Variants in MIR2052HG observed in about 807,000 individuals in gnomAD.
The protein encoded by MIR2052HG is MIR2052 host gene.
chr8:74,670,554 C>A (rs1808980435), intron 2 of MIR2052HG, among the ~76,000 whole-genome samples: 1 of 152,092 alleles, frequency 6.6e-6, no homozygotes, highest in Non-Finnish European at 1.5e-5. Flanking sequence ...TTGGCAGTTG[C>A]TCCAAGAGAT....
chr8:74,613,028 C>G lies in MIR2052HG; in HGVS notation n.216+88C>G, dbSNP rs1246553246. ...AGCTGTTTGAATCAGACAGTGAAAC[C>G]TCACTAAAGGGAGAAAAGGGAGAGC... On this transcript the variant is annotated intron_variant and non_coding_transcript_variant, in intron 2 of 6. Coordinates refer to ENST00000523442, the Ensembl canonical transcript of MIR2052HG. The G allele has an allele frequency of 1.2e-5, 5 of 428,602 alleles. No homozygotes were observed. The Admixed American group carries it at 1.3e-4, about 11-fold the overall frequency. 26.5% of individuals were successfully genotyped at this position (428,602 alleles called of 1,614,324 possible).
intron 1 of MIR2052HG, among the ~76,000 whole-genome samples, chr8:74,602,128 C>G (rs757332197): frequency 2.6e-5 from 4 of 152,174 alleles, no homozygotes; most frequent in Non-Finnish European, 5.9e-5. Flanking sequence ...GCACAAGATA[C>G]AGGTTACAAA....
intron 2 of MIR2052HG, among the ~76,000 whole-genome samples, chr8:74,683,271 G>T (rs924265821): frequency 6.6e-6 from 1 of 152,078 alleles, no homozygotes; most frequent in Non-Finnish European, 1.5e-5. Context: ...CTTTAAGAAA[G>T]AATTGGGAAT....
At chr8:74,736,319 G>A (rs968050371) in intron 4 of MIR2052HG, among the ~76,000 whole-genome samples, 2 of 152,034 alleles carry the variant, frequency 1.3e-5, no homozygotes, top group African/African-American at 4.8e-5. Context: ...TTTATGTGGT[G>A]GGTACATAAT....
At chr8:74,604,499 TG>T (rs1270027657) in intron 1 of MIR2052HG, among the ~76,000 whole-genome samples, 2 of 7,774 alleles carry the variant, frequency 2.6e-4, no homozygotes, top group East Asian at 7.0e-3. Context: ...CCGGGGCGGG[TG>T]GGGGTGCCGT....
At chr8:74,728,654 G>A (rs1391642152) in intron 4 of MIR2052HG, among the ~76,000 whole-genome samples, 1 of 152,130 alleles carries the variant, frequency 6.6e-6, no homozygotes, top group Non-Finnish European at 1.5e-5. Context: ...GGTATATTGA[G>A]AGAGGTTGCC....
At chr8:74,664,468 G>A (rs1253192512) in intron 2 of MIR2052HG, among the ~76,000 whole-genome samples, 1 of 152,014 alleles carries the variant, frequency 6.6e-6, no homozygotes, top group East Asian at 1.9e-4. Context: ...TGTTCCTTCA[G>A]CTTGTCTTTT....
intron 2 of MIR2052HG, among the ~76,000 whole-genome samples, chr8:74,615,919 T>C (rs1055344143): frequency 6.6e-6 from 1 of 152,188 alleles, no homozygotes; most frequent in Non-Finnish European, 1.5e-5. Flanking sequence ...GCTTCATCCA[T>C]GTCCCTACAA....
At chr8:74,635,287 C>T (rs541958638) in intron 2 of MIR2052HG, among the ~76,000 whole-genome samples, 1 of 151,048 alleles carries the variant, frequency 6.6e-6, no homozygotes, top group African/African-American at 2.4e-5. Context: ...TAGTGAATTG[C>T]ATTAAACATA....
At chr8:74,739,095 A>T (rs1809800470) in intron 4 of MIR2052HG, among the ~76,000 whole-genome samples, 1 of 152,230 alleles carries the variant, frequency 6.6e-6, no homozygotes, top group African/African-American at 2.4e-5. Context: ...ACATGTCTTT[A>T]TGGAAATTAG....
At chr8:74,620,167 A>G (rs1383464889) in intron 2 of MIR2052HG, among the ~76,000 whole-genome samples, 1 of 152,206 alleles carries the variant, frequency 6.6e-6, no homozygotes, top group Non-Finnish European at 1.5e-5. Context: ...TGCTGATGCA[A>G]GAGGTGGGTT....
At chr8:74,661,136 C>T (rs144761029) in intron 2 of MIR2052HG, among the ~76,000 whole-genome samples, 22 of 151,984 alleles carry the variant, frequency 1.4e-4, no homozygotes, top group African/African-American at 5.1e-4. Flanking sequence ...TTGCCAGTTA[C>T]CAGCTGGGCT....
chr8:74,705,129 T>C (rs1392601466), intron 4 of MIR2052HG, among the ~76,000 whole-genome samples: 1 of 151,954 alleles, frequency 6.6e-6, no homozygotes, highest in African/African-American at 2.4e-5. Flanking sequence ...CAGAGTTTGA[T>C]TGACTACTGT....
intron 2 of MIR2052HG, among the ~76,000 whole-genome samples, chr8:74,639,089 A>G (rs962281629): frequency 3.9e-5 from 6 of 152,186 alleles, no homozygotes; most frequent in African/African-American, 1.2e-4. Context: ...AAGTATTTCT[A>G]TGGGTAAATA....
chr8:74,700,410 A>G (rs987409469), intron 2 of MIR2052HG, among the ~76,000 whole-genome samples: 1 of 152,216 alleles, frequency 6.6e-6, no homozygotes, highest in Non-Finnish European at 1.5e-5. Context: ...GAAGTTTAAC[A>G]TGAGCCGTAT....
At chr8:74,715,859 C>A (rs1809515138) in intron 4 of MIR2052HG, among the ~76,000 whole-genome samples, 1 of 152,222 alleles carries the variant, frequency 6.6e-6, no homozygotes, top group Admixed American at 6.5e-5. Flanking sequence ...TCTGTGAAAT[C>A]ATGTCATCTA....
At chr8:74,678,663 G>C (rs1040289747) in intron 2 of MIR2052HG, among the ~76,000 whole-genome samples, 3 of 150,102 alleles carry the variant, frequency 2.0e-5, no homozygotes, top group African/African-American at 7.4e-5. Context: ...AAGAAAAGGA[G>C]AGCATGAGAA....
intron 2 of MIR2052HG, among the ~76,000 whole-genome samples, chr8:74,643,261 A>T (rs896525893): frequency 5.3e-5 from 8 of 152,216 alleles, no homozygotes; most frequent in Admixed American, 5.2e-4. Flanking sequence ...CAACTGATTC[A>T]GAATTCCGTA....
chr8:74,715,193 T>C (rs867912974), intron 4 of MIR2052HG, among the ~76,000 whole-genome samples: 1 of 152,086 alleles, frequency 6.6e-6, no homozygotes, highest in African/African-American at 2.4e-5. Flanking sequence ...TGAAAAAAAC[T>C]GATGACTAAA....
Sources: allele counts gnomAD v4.1 joint callset (sites outside exome capture counted in the v4.1 genomes callset), GRCh38; gene constraint gnomAD v4.1.1; transcripts MANE v1.5; gene names NCBI Gene and HGNC (gene_info 2026-07-23, HGNC 2026-07-21).